CADM2: variants seen among roughly 807,000 people sequenced by gnomAD.
CADM2 encodes immunoglobulin superfamily member 4D.
A neutral mutation model predicts 49.8 loss-of-function variants in CADM2; 12 were observed. The ratio of observed to expected loss-of-function variants is 0.24; its 90% CI spans 0.15 to 0.39. CADM2 has a LOEUF of 0.39. Ranked by LOEUF, CADM2 falls within the 10% of genes least tolerant of loss-of-function variation. CADM2 has a pLI of 1.00. For synonymous variants in CADM2, 214 were observed against 175.4 expected, an observed-to-expected ratio of 1.22 and a Z score of -1.74; for missense variants, 378 against 492.3, an observed-to-expected ratio of 0.77 and a Z score of 2.20.
chr3:85,700,437 A>G (rs751039016), intron 1 of CADM2, among the ~76,000 whole-genome samples: 2 of 152,186 alleles, frequency 1.3e-5, no homozygotes, highest in Non-Finnish European at 2.9e-5. Flanking sequence ...ATGCCTATGT[A>G]ACAAAATTGT....
intron 2 of CADM2, among the ~76,000 whole-genome samples, chr3:85,748,513 C>T (rs970361550): frequency 6.6e-6 from 1 of 152,038 alleles, no homozygotes; most frequent in African/African-American, 2.4e-5. Flanking sequence ...GCTCACTTAT[C>T]TGAGTCTAAT....
Position 85,734,078 on chromosome 3 carries a change from T to A in CADM2, c.88+7530T>A, listed in dbSNP as rs993511230. Among the ~76,000 whole-genome samples the A allele has an allele frequency of 2.0e-5, 3 of 152,088 alleles. No homozygotes were observed. In the South Asian group the frequency reaches 6.2e-4, roughly 31 times the overall value. ...TAAGTTACACTAAAAATAAATGTAA[T>A]TTACTGTATTTCAAATTTGATGGAA... On this transcript the variant is annotated intron_variant, in intron 2 of 9. Coordinates refer to ENST00000383699, the MANE Select transcript of CADM2 (RefSeq NM_001167675.2).
At chr3:85,663,260 A>C (rs1360044872) in intron 1 of CADM2, among the ~76,000 whole-genome samples, 1 of 152,042 alleles carries the variant, frequency 6.6e-6, no homozygotes, top group Non-Finnish European at 1.5e-5. Flanking sequence ...AAGTGAAATA[A>C]AGCTGAAAAT....
intron 1 of CADM2, among the ~76,000 whole-genome samples, chr3:85,339,391 T>C (rs2045179397): frequency 6.6e-6 from 1 of 151,460 alleles, no homozygotes; most frequent in Non-Finnish European, 1.5e-5. Flanking sequence ...CACATATTAA[T>C]TAAAATGGAA....
At chr3:85,674,951 C>A (rs1009125842) in intron 1 of CADM2, among the ~76,000 whole-genome samples, 1 of 152,088 alleles carries the variant, frequency 6.6e-6, no homozygotes, top group Non-Finnish European at 1.5e-5. Flanking sequence ...CTTGACTTAG[C>A]TAAGTCATTC....
intron 1 of CADM2, among the ~76,000 whole-genome samples, chr3:85,696,437 T>C (rs182551284): frequency 6.6e-6 from 1 of 152,230 alleles, no homozygotes; most frequent in East Asian, 1.9e-4. Flanking sequence ...TTGAGTTAAT[T>C]TTTGTATATG....
At chr3:85,427,516 A>C (rs1211496350) in intron 1 of CADM2, among the ~76,000 whole-genome samples, 1 of 152,038 alleles carries the variant, frequency 6.6e-6, no homozygotes, top group Non-Finnish European at 1.5e-5. Context: ...CTAGATAATA[A>C]TACCCTTTAT....
intron 1 of CADM2, among the ~76,000 whole-genome samples, chr3:85,307,106 T>G (rs974887317): frequency 6.6e-6 from 1 of 151,594 alleles, no homozygotes; most frequent in African/African-American, 2.4e-5. Flanking sequence ...CAATTTGAGA[T>G]TATCATTATG....
intron 8 of CADM2, among the ~76,000 whole-genome samples, chr3:86,058,632 T>C (rs2107375265): frequency 6.6e-6 from 1 of 152,202 alleles, no homozygotes; most frequent in South Asian, 2.1e-4. Flanking sequence ...ATATTTATTT[T>C]AATATATAAT....
At chr3:85,948,710 A>C (rs965498447) in intron 7 of CADM2, among the ~76,000 whole-genome samples, 10 of 150,878 alleles carry the variant, frequency 6.6e-5, no homozygotes, top group African/African-American at 2.4e-4. Context: ...TTCAAAGCTA[A>C]ATAAAATAAT....
intron 1 of CADM2, among the ~76,000 whole-genome samples, chr3:85,393,725 G>C (rs764277429): frequency 3.2e-4 from 48 of 152,040 alleles, no homozygotes; most frequent in Admixed American, 1.0e-3. Context: ...GAGATAGATC[G>C]TAACCCCTTT....
chr3:85,918,494 G>A (rs1274800504), intron 6 of CADM2, among the ~76,000 whole-genome samples: 3 of 152,124 alleles, frequency 2.0e-5, no homozygotes, highest in Non-Finnish European at 4.4e-5. Context: ...TTGCATCTCA[G>A]GGATGAAGCC....
At chr3:85,645,915 C>T (rs1232243010) in intron 1 of CADM2, among the ~76,000 whole-genome samples, 1 of 151,854 alleles carries the variant, frequency 6.6e-6, no homozygotes, top group Non-Finnish European at 1.5e-5. Flanking sequence ...CATTCTTGAC[C>T]CTAGATATAC....
intron 1 of CADM2, among the ~76,000 whole-genome samples, chr3:85,329,535 G>A (rs1253559195): frequency 4.0e-5 from 6 of 151,876 alleles, no homozygotes; most frequent in East Asian, 3.9e-4. Flanking sequence ...GCACGGAGCC[G>A]AGATTGCACC....
At chr3:85,026,919 A>C in intron 1 of CADM2, among the ~76,000 whole-genome samples, 1 of 152,092 alleles carries the variant, frequency 6.6e-6, no homozygotes, top group East Asian at 1.9e-4. Context: ...ATGTTAAACA[A>C]CTATTTTATG....
rs530048882 is a variant in CADM2 at position 85,074,552 on chromosome 3, A to G, written c.61+114884A>G. 2.0e-5 allele frequency among the ~76,000 whole-genome samples: 3 copies of G among 152,290 alleles called. No individual in the cohort carries two copies. In the South Asian group the frequency reaches 6.2e-4, roughly 32 times the overall value. On this transcript the variant is annotated intron_variant, in intron 1 of 9. Coordinates refer to ENST00000383699, the MANE Select transcript of CADM2 (RefSeq NM_001167675.2). ...CACTGACATATACCAAGCAGTTAGA[A>G]TAGTTCCTGGCACATAATTTGTGTT...
intron 1 of CADM2, among the ~76,000 whole-genome samples, chr3:85,621,776 C>T (rs1241399713): frequency 6.6e-6 from 1 of 152,124 alleles, no homozygotes; most frequent in Non-Finnish European, 1.5e-5. Flanking sequence ...ACTCTTTTGA[C>T]ACATCAAGCA....
chr3:85,898,331 G>A (rs1188071478), intron 5 of CADM2, among the ~76,000 whole-genome samples: 8 of 151,790 alleles, frequency 5.3e-5, no homozygotes, highest in Admixed American at 3.3e-4. Context: ...TTTAAATTTT[G>A]CAATTTATTA....
intron 1 of CADM2, among the ~76,000 whole-genome samples, chr3:85,283,865 T>G (rs1244176275): frequency 1.3e-5 from 2 of 152,148 alleles, no homozygotes; most frequent in East Asian, 1.9e-4. Flanking sequence ...GCCTTGTAAT[T>G]ATAACTTAGA....
Sources: gnomAD v4.1 joint callset for allele counts (sites outside exome capture counted in the v4.1 genomes callset) on GRCh38, gnomAD v4.1.1 for gene constraint, MANE v1.5 for transcripts, NCBI Gene and HGNC (gene_info 2026-07-23, HGNC 2026-07-21) for gene names.